Variants in ARHGAP12 observed in about 807,000 individuals in gnomAD.
ARHGAP12 encodes the protein Rho GTPase activating protein 12.
A neutral mutation model predicts 108.6 loss-of-function variants in ARHGAP12; 64 were observed. That is an observed-to-expected ratio of 0.59 (90% CI 0.48 to 0.73). The LOEUF (loss-of-function observed/expected upper bound fraction) is 0.73. Among genes scored for constraint, ARHGAP12 ranks in the 30% least tolerant of loss-of-function variants. ARHGAP12 has a pLI of 0.00. For synonymous variants in ARHGAP12, 312 were observed against 337.2 expected, an observed-to-expected ratio of 0.93 and a Z score of 0.82; for missense variants, 940 against 1,005.9, an observed-to-expected ratio of 0.93 and a Z score of 0.89.
At chr10:31,916,028 C>T (rs564004623) in intron 1 of ARHGAP12, among the ~76,000 whole-genome samples, 1 of 152,100 alleles carries the variant, frequency 6.6e-6, no homozygotes, top group African/African-American at 2.4e-5. Context: ...GAAAGTTGAA[C>T]GCTGTTTATC....
At chr10:31,903,674 A>T (rs1383372919) in intron 3 of ARHGAP12, among the ~76,000 whole-genome samples, 1 of 152,174 alleles carries the variant, frequency 6.6e-6, no homozygotes, top group African/African-American at 2.4e-5. Context: ...GGCAAGCTAC[A>T]TGCTGGGAGA....
intron 14 of ARHGAP12, 71 bp downstream of exon 14, chr10:31,814,188 G>T: frequency 8.3e-7 from 1 of 1,209,470 alleles, no homozygotes; most frequent in Non-Finnish European, 1.2e-6. Context: ...TTTTATATAT[G>T]TATTTAAAAC....
chr10:31,920,201 C>A (rs1156245411), intron 1 of ARHGAP12, among the ~76,000 whole-genome samples: 1 of 151,690 alleles, frequency 6.6e-6, no homozygotes, highest in Non-Finnish European at 1.5e-5. Context: ...ACCTGTAATC[C>A]CAGCACTCTG....
At chr10:31,856,094 A>G (rs1231410190) in intron 4 of ARHGAP12, among the ~76,000 whole-genome samples, 1 of 152,168 alleles carries the variant, frequency 6.6e-6, no homozygotes, top group Non-Finnish European at 1.5e-5. Flanking sequence ...GGGCTATGGT[A>G]GATGCTCCAT....
chr10:31,904,522 T>C (rs1010229522), intron 3 of ARHGAP12, among the ~76,000 whole-genome samples: 1 of 152,184 alleles, frequency 6.6e-6, no homozygotes, highest in Non-Finnish European at 1.5e-5. Context: ...ATGCTCAGCA[T>C]ATTAACTGTA....
chr10:31,808,551 G>T (rs1834903465), intron 19 of ARHGAP12, 98 bp downstream of exon 19: 3 of 1,003,068 alleles, frequency 3.0e-6, no homozygotes, highest in African/African-American at 3.2e-5. Flanking sequence ...AAGTAGCATA[G>T]CTGGGATCCA....
chr10:31,848,273 T>G (rs574728982), intron 6 of ARHGAP12, among the ~76,000 whole-genome samples: 1 of 152,320 alleles, frequency 6.6e-6, no homozygotes, highest in Non-Finnish European at 1.5e-5. Flanking sequence ...TCTACTGCAG[T>G]AGGTGATCTG....
intron 4 of ARHGAP12, among the ~76,000 whole-genome samples, chr10:31,856,227 G>T (rs1415342088): frequency 7.2e-5 from 11 of 151,846 alleles, no homozygotes; most frequent in Admixed American, 7.2e-4. Flanking sequence ...ATCCTCAGAG[G>T]TCAAAAGCTA....
At position 31,908,951 on chromosome 10, in the gene ARHGAP12, G is replaced by A; in HGVS notation, c.-71-25C>T. 9 of 1,230,040 alleles carry A rather than the reference G, an allele frequency of 7.3e-6. No individual in the cohort carries two copies. In the South Asian group the frequency reaches 1.4e-4, roughly 19 times the overall value. The allele number at this position is 1,230,040 out of a possible 1,614,324, so 76.2% of individuals were successfully genotyped here. ...GCTGTTTTATTTAAATGGAGAAAGA[G>A]AATGAAGAAAAAAGTTAATGCAATC... On this transcript the variant is annotated intron_variant, in intron 2 of 19. Coordinates refer to ENST00000344936, the MANE Select transcript of ARHGAP12 (RefSeq NM_018287.7).
At chr10:31,834,489 C>T (rs1835941058) in intron 9 of ARHGAP12, among the ~76,000 whole-genome samples, 1 of 152,212 alleles carries the variant, frequency 6.6e-6, no homozygotes, top group Non-Finnish European at 1.5e-5. Flanking sequence ...ATCTTGGACT[C>T]CTCAGCCACC....
chr10:31,887,542 T>C (rs1838232671), intron 3 of ARHGAP12, among the ~76,000 whole-genome samples: 2 of 152,198 alleles, frequency 1.3e-5, no homozygotes, highest in South Asian at 4.1e-4. Flanking sequence ...AAGGGTTGTT[T>C]GGCAAAGATC....
chr10:31,831,264 C>G (rs752826613), intron 10 of ARHGAP12, among the ~76,000 whole-genome samples: 2 of 152,164 alleles, frequency 1.3e-5, no homozygotes, highest in Non-Finnish European at 2.9e-5. Flanking sequence ...GTGAAACCAT[C>G]TCCAAGATAA....
chr10:31,809,178 TC>T, intron 17 of ARHGAP12, 50 bp from the exon 18 acceptor site: 1 of 1,613,174 alleles, frequency 6.2e-7, no homozygotes, highest in South Asian at 1.1e-5. Flanking sequence ...TTAAGCCAGT[TC>T]AAAAAGTTAT....
intron 1 of ARHGAP12, among the ~76,000 whole-genome samples, chr10:31,928,171 T>TGC (rs10660460): frequency 0.22 from 30,143 of 138,662 alleles, 3,087 homozygotes; most frequent in African/African-American, 0.24. Flanking sequence ...GCCGGCCTTT[T>TGC]GCGCACACAC....
At chr10:31,923,321 T>C (rs117671575) in intron 1 of ARHGAP12, among the ~76,000 whole-genome samples, 1,581 of 152,190 alleles carry the variant, frequency 0.01, 75 homozygotes, top group Admixed American at 0.085. Context: ...ACCAGTGTTT[T>C]TGAGAATGCA....
At chr10:31,817,710 C>A in intron 13 of ARHGAP12, 78 bp downstream of exon 13, 2 of 912,114 alleles carry the variant, frequency 2.2e-6, no homozygotes, top group South Asian at 1.6e-5. Context: ...GATTGCAATC[C>A]GGATATCCAA....
At chr10:31,832,280 C>T (rs1011452266) in intron 9 of ARHGAP12, among the ~76,000 whole-genome samples, 39 of 152,118 alleles carry the variant, frequency 2.6e-4, no homozygotes, top group African/African-American at 8.9e-4. Flanking sequence ...TAATAAATTA[C>T]TAAAAAGTTA....
chr10:31,874,368 C>T (rs1297925711), intron 3 of ARHGAP12, among the ~76,000 whole-genome samples: 16 of 152,124 alleles, frequency 1.1e-4, no homozygotes, highest in Non-Finnish European at 1.5e-5. Flanking sequence ...CAAATGAACA[C>T]AACTACATAA....
chr10:31,813,188 C>T (rs1835082054), intron 14 of ARHGAP12, among the ~76,000 whole-genome samples: 1 of 151,940 alleles, frequency 6.6e-6, no homozygotes, highest in South Asian at 2.1e-4. Context: ...AAATGACCAC[C>T]AAAAAGTAAA....
Sources: allele counts gnomAD v4.1 joint callset (sites outside exome capture counted in the v4.1 genomes callset), GRCh38; gene constraint gnomAD v4.1.1; transcripts MANE v1.5; gene names NCBI Gene and HGNC (gene_info 2026-07-23, HGNC 2026-07-21).